The following MGAT4C variants were observed in gnomAD, a reference collection of about 807,000 sequenced individuals.
MGAT4C encodes the protein alpha-1,3-mannosyl-glycoprotein 4-beta-N-acetylglucosaminyltransferase C.
MGAT4C carries 19 observed loss-of-function variants against 40.1 expected under a neutral mutation model. That is an observed-to-expected ratio of 0.47 (90% CI 0.33 to 0.70). The LOEUF is 0.70. Ranked by LOEUF, MGAT4C falls within the 30% of genes least tolerant of loss-of-function variation. MGAT4C has a pLI of 0.02. For synonymous variants in MGAT4C, 181 were observed against 187.1 expected, an observed-to-expected ratio of 0.97 and a Z score of 0.27; for missense variants, 491 against 563.2, an observed-to-expected ratio of 0.87 and a Z score of 1.30.
At position 86,752,702 on chromosome 12, in the gene MGAT4C, A is replaced by G. The variant is rs1951244913; in HGVS notation, c.-261-25461T>C. On this transcript the variant is annotated intron_variant, in intron 1 of 7. Transcript: ENST00000548651. ...TTCAAGATAGCCAAATTGTTAAGAT[A>G]GAATGACCATTAAAGATAACAGAAT... Among the ~76,000 whole-genome samples, 3 of 152,258 alleles carry G rather than the reference A, an allele frequency of 2.0e-5. No homozygotes were observed. The South Asian group carries it at 6.2e-4, about 32-fold the overall frequency.
At chr12:86,289,310 C>A (rs536631826) in intron 4 of MGAT4C, among the ~76,000 whole-genome samples, 2 of 152,212 alleles carry the variant, frequency 1.3e-5, no homozygotes, top group South Asian at 2.1e-4. Context: ...GTTACTGTTG[C>A]CTTGTAGTAT....
intron 1 of MGAT4C, among the ~76,000 whole-genome samples, chr12:86,108,609 G>A (rs997650490): frequency 6.6e-6 from 1 of 152,072 alleles, no homozygotes; most frequent in East Asian, 1.9e-4. Context: ...GGTTCTGGCC[G>A]GGTTTACAGA....
chr12:86,166,464 G>A (rs369254009), intron 1 of MGAT4C, among the ~76,000 whole-genome samples: 2 of 152,180 alleles, frequency 1.3e-5, no homozygotes, highest in African/African-American at 2.4e-5. Context: ...TTGATGCCAG[G>A]AATTTGAGAC....
At chr12:86,552,170 A>T (rs2136397805) in intron 2 of MGAT4C, among the ~76,000 whole-genome samples, 1 of 152,250 alleles carries the variant, frequency 6.6e-6, no homozygotes, top group South Asian at 2.1e-4. Flanking sequence ...TGAGACACAG[A>T]AAAATATAGA....
At chr12:86,460,423 C>A (rs1376358617) in intron 2 of MGAT4C, among the ~76,000 whole-genome samples, 2 of 151,984 alleles carry the variant, frequency 1.3e-5, no homozygotes, top group Non-Finnish European at 2.9e-5. Context: ...TGAAGCTAGA[C>A]CCACATGTAG....
At chr12:86,621,657 T>G (rs1220501090) in intron 2 of MGAT4C, among the ~76,000 whole-genome samples, 1 of 152,070 alleles carries the variant, frequency 6.6e-6, no homozygotes, top group Non-Finnish European at 1.5e-5. Flanking sequence ...TTTTTATAGT[T>G]TTGTACAGAC....
chr12:86,599,979 A>C (rs575572898), intron 2 of MGAT4C, among the ~76,000 whole-genome samples: 85 of 152,216 alleles, frequency 5.6e-4, no homozygotes, highest in Non-Finnish European at 1.1e-3. Flanking sequence ...GATATTGAAA[A>C]TAAACAAAAA....
chr12:86,747,543 T>TTA (rs1219261650), intron 1 of MGAT4C, among the ~76,000 whole-genome samples: 3 of 151,628 alleles, frequency 2.0e-5, no homozygotes, highest in Non-Finnish European at 3.0e-5. Context: ...ATAGCTAAAT[T>TTA]ATGAAAAATA....
rs1204398632 is a variant in MGAT4C at position 85,979,313 on chromosome 12, C to A, written c.1413G>T (p.Arg471Ser). The A allele has an allele frequency of 6.2e-7, 1 of 1,605,248 alleles. No individual in the cohort carries two copies. The highest frequency in any genetic ancestry group is 8.5e-7 in the Non-Finnish European group (1 of 1,174,518). The stretch of plus-strand genomic sequence containing the variant: ...GCTAAGAAGTCCAAATGCTAATACT[C>A]CTAATAATTAGCCATTCCTTTTGTG... ...TKTQKEWLII[R>S]SISIWTS Residue 471 changes from arginine (R) to serine (S), a missense_variant, in exon 5 of 5, where the codon AGG becomes AGT. By Grantham distance (110) the Arg-to-Ser change is moderately radical. Coordinates refer to ENST00000611864, the MANE Select transcript of MGAT4C (RefSeq NM_001351288.2).
At chr12:86,509,904 T>C (rs1179270896) in intron 2 of MGAT4C, among the ~76,000 whole-genome samples, 1 of 152,204 alleles carries the variant, frequency 6.6e-6, no homozygotes, top group Non-Finnish European at 1.5e-5. Context: ...TTTTTGTACA[T>C]TGATTTTGTA....
intron 2 of MGAT4C, among the ~76,000 whole-genome samples, chr12:86,646,443 A>G (rs2136528735): frequency 6.6e-6 from 1 of 152,018 alleles, no homozygotes; most frequent in East Asian, 1.9e-4. Flanking sequence ...ATGATTGTGA[A>G]ACTTAGTTTC....
chr12:86,454,147 T>C (rs995024747), intron 2 of MGAT4C, among the ~76,000 whole-genome samples: 5 of 152,148 alleles, frequency 3.3e-5, no homozygotes, highest in African/African-American at 9.7e-5. Flanking sequence ...TTTGGTAAAA[T>C]GCCTACAATT....
intron 2 of MGAT4C, among the ~76,000 whole-genome samples, chr12:86,643,811 A>G (rs1184575533): frequency 6.6e-6 from 1 of 151,808 alleles, no homozygotes; most frequent in African/African-American, 2.4e-5. Context: ...TATACTTTAA[A>G]AGGTGAATTT....
chr12:86,346,000 G>T (rs1325314449), intron 3 of MGAT4C, among the ~76,000 whole-genome samples: 1 of 152,050 alleles, frequency 6.6e-6, no homozygotes, highest in Non-Finnish European at 1.5e-5. Flanking sequence ...TTCTCTGATG[G>T]CCAGTGATGA....
At chr12:86,458,799 CATTT>C (rs765095122) in intron 2 of MGAT4C, among the ~76,000 whole-genome samples, 3 of 152,040 alleles carry the variant, frequency 2.0e-5, no homozygotes, top group Admixed American at 6.6e-5. Flanking sequence ...TTTATATGAA[CATTT>C]ATTATAATGT....
intron 1 of MGAT4C, among the ~76,000 whole-genome samples, chr12:86,761,390 C>T (rs1404337338): frequency 6.6e-6 from 1 of 151,980 alleles, no homozygotes; most frequent in East Asian, 1.9e-4. Context: ...TGTATTTTTT[C>T]CTATTGCCAC....
chr12:86,285,873 A>G (rs1953341558), intron 4 of MGAT4C, among the ~76,000 whole-genome samples: 1 of 151,910 alleles, frequency 6.6e-6, no homozygotes, highest in Non-Finnish European at 1.5e-5. Context: ...ATGTATTCAC[A>G]TATTCTTTAA....
intron 1 of MGAT4C, among the ~76,000 whole-genome samples, chr12:86,237,287 T>C (rs1449222952): frequency 1.3e-5 from 2 of 151,784 alleles, no homozygotes; most frequent in East Asian, 1.9e-4. Flanking sequence ...GCAGTGTGAC[T>C]TTCCTAAATA....
At chr12:86,409,030 T>C (rs1020566653) in intron 3 of MGAT4C, among the ~76,000 whole-genome samples, 1 of 152,052 alleles carries the variant, frequency 6.6e-6, no homozygotes, top group African/African-American at 2.4e-5. Context: ...TGGGGTAGCG[T>C]AGTAAGGAAA....
Sources: allele counts gnomAD v4.1 joint callset (sites outside exome capture counted in the v4.1 genomes callset), GRCh38; gene constraint gnomAD v4.1.1; transcripts MANE v1.5; gene names NCBI Gene and HGNC (gene_info 2026-07-23, HGNC 2026-07-21).